Variants in DTNB observed in about 807,000 individuals in gnomAD.
The protein encoded by DTNB is DTN-B.
A neutral mutation model predicts 90.7 loss-of-function variants in DTNB; 63 were observed. The observed-to-expected ratio is 0.69, with a 90% CI of 0.57 to 0.86. DTNB has a LOEUF of 0.86. Among genes scored for constraint, DTNB ranks in the 40% least tolerant of loss-of-function variants. DTNB has a pLI of 0.00. For missense variants in DTNB, 744 were observed against 807.1 expected (o/e 0.92, Z 0.95); for synonymous variants, 277 against 286.7 (o/e 0.97, Z 0.34).
chr2:25,549,831 T>G (rs766837921), intron 8 of DTNB, among the ~76,000 whole-genome samples: 38 of 152,170 alleles, frequency 2.5e-4, no homozygotes, highest in Middle Eastern at 3.4e-3. Context: ...CGGCTAATTT[T>G]TGTATTTTTT....
At chr2:25,508,565 G>A (rs1159488045) in intron 9 of DTNB, among the ~76,000 whole-genome samples, 6 of 123,546 alleles carry the variant, frequency 4.9e-5, no homozygotes, top group South Asian at 2.4e-4. Flanking sequence ...ATGGAGTTTC[G>A]CTCTTGTTGC....
chr2:25,491,920 G>A (rs2067595949), intron 9 of DTNB, among the ~76,000 whole-genome samples: 1 of 151,868 alleles, frequency 6.6e-6, no homozygotes, highest in South Asian at 2.1e-4. Context: ...AAAAACTGAG[G>A]CATGGAGAAA....
At chr2:25,411,569 G>A (rs1239122852) in intron 16 of DTNB, among the ~76,000 whole-genome samples, 3 of 151,998 alleles carry the variant, frequency 2.0e-5, no homozygotes, top group South Asian at 4.1e-4. Context: ...CTGGGACTGC[G>A]ACCCAGGATA....
chr2:25,533,015 T>A (rs2078554489), intron 8 of DTNB, among the ~76,000 whole-genome samples: 1 of 152,140 alleles, frequency 6.6e-6, no homozygotes, highest in Admixed American at 6.6e-5. Flanking sequence ...ACTATTCCCG[T>A]CAACATACTA....
At chr2:25,611,531 G>A (rs2068612557) in intron 4 of DTNB, among the ~76,000 whole-genome samples, 1 of 152,154 alleles carries the variant, frequency 6.6e-6, no homozygotes, top group Non-Finnish European at 1.5e-5. Flanking sequence ...ATATCCATGG[G>A]TGTCTGAATC....
chr2:25,551,845 C>T (rs989008523), intron 8 of DTNB, among the ~76,000 whole-genome samples: 1 of 152,294 alleles, frequency 6.6e-6, no homozygotes, highest in East Asian at 1.9e-4. Context: ...TCAATCCATC[C>T]TCTACACTTT....
rs373462438 is a variant in DTNB, at chr2:25,555,383, CATA to C, written c.876+21452_876+21454del. Among the ~76,000 whole-genome samples the C allele has an allele frequency of 7.0e-3, 1,053 of 149,508 alleles. 9 individuals carry two copies. Among genetic ancestry groups the C allele is most frequent in the African/African-American group, 0.024 (995 of 40,624 alleles). On this transcript the variant is annotated intron_variant, in intron 8 of 20. Coordinates refer to ENST00000406818, the MANE Select transcript of DTNB (RefSeq NM_021907.5). ...TCTTTTCTATATGCTTGATATATTT[CATA>C]ATAAGAAATTATATATTACTTGCTA...
intron 12 of DTNB, among the ~76,000 whole-genome samples, chr2:25,448,113 T>C (rs925710690): frequency 6.6e-6 from 1 of 152,048 alleles, no homozygotes; most frequent in Non-Finnish European, 1.5e-5. Context: ...CTCTCCAGAA[T>C]AGATCAGGCA....
Position 25,639,112 on chromosome 2 carries a change from G to GAAAT in DTNB, c.68-22_68-19dup, listed in dbSNP as rs1478312396. The stretch of plus-strand genomic sequence containing the variant: ...CTGAGCACCTGAAAAAAGGCAAACA[G>GAAAT]AAATGCTCAACTAGATTTACCATTT... On this transcript the variant is annotated intron_variant, in intron 2 of 20. Transcript: ENST00000406818. 1.9e-6 allele frequency: 3 copies of GAAAT among 1,556,076 alleles called. No individual in the cohort carries two copies. Among genetic ancestry groups the GAAAT allele is most frequent in the East Asian group, 4.6e-5 (2 of 43,150 alleles).
At chr2:25,654,612 C>A (rs553855443) in intron 1 of DTNB, among the ~76,000 whole-genome samples, 1 of 152,322 alleles carries the variant, frequency 6.6e-6, no homozygotes, top group Non-Finnish European at 1.5e-5. Context: ...TGAATTCTAA[C>A]AATAGTTTTC....
Position 25,614,007 on chromosome 2 carries a change from C to G in DTNB, c.363-6686G>C, listed in dbSNP as rs564597277. ...AAAATCACAACCCAGGGAGCTTTAT[C>G]CCAAGAATATAAGGCTATTTTGACA... On this transcript the variant is annotated intron_variant, in intron 4 of 20. Coordinates refer to ENST00000406818, the MANE Select transcript of DTNB (RefSeq NM_021907.5). Among the ~76,000 whole-genome samples the G allele has an allele frequency of 9.2e-5, 14 of 152,102 alleles. No individual in the cohort carries two copies. The South Asian group carries it at 2.9e-3, about 32-fold the overall frequency.
rs185106876 is a variant in DTNB at position 25,460,920 on chromosome 2, C to T, written c.1080-5426G>A. ...GTTTTTTGTTTTTTTTTTTTTGAGA[C>T]GGAGTCTCACTCTGTCACCCAGGCT... On this transcript the variant is annotated intron_variant, in intron 10 of 20. Transcript: ENST00000406818. Among the ~76,000 whole-genome samples the T allele has an allele frequency of 5.1e-3, 734 of 145,334 alleles. 8 individuals are homozygous for T. The highest frequency in any genetic ancestry group is 0.018 in the African/African-American group (697 of 39,416).
chr2:25,494,953 A>T (rs970599719), intron 9 of DTNB, among the ~76,000 whole-genome samples: 6 of 152,188 alleles, frequency 3.9e-5, no homozygotes, highest in Non-Finnish European at 7.4e-5. Context: ...CAACAAAAAA[A>T]TGTTCACTTA....
intron 8 of DTNB, among the ~76,000 whole-genome samples, chr2:25,546,825 T>C (rs2082523093): frequency 6.6e-6 from 1 of 152,180 alleles, no homozygotes. Flanking sequence ...TGCAACAAGA[T>C]AGGATAGATC....
chr2:25,487,037 T>C (rs1471277173), intron 9 of DTNB, among the ~76,000 whole-genome samples: 3 of 152,222 alleles, frequency 2.0e-5, no homozygotes, highest in African/African-American at 7.2e-5. Flanking sequence ...AGGTAGAAAG[T>C]ATCTGGTAGT....
chr2:25,471,352 A>G (rs939581147), intron 10 of DTNB, among the ~76,000 whole-genome samples: 1 of 147,926 alleles, frequency 6.8e-6, no homozygotes, highest in African/African-American at 2.5e-5. Context: ...AATTTGTCAA[A>G]TGACCTCTTT....
intron 15 of DTNB, among the ~76,000 whole-genome samples, chr2:25,426,335 T>C (rs1298470213): frequency 2.6e-5 from 4 of 152,240 alleles, no homozygotes; most frequent in Non-Finnish European, 2.9e-5. Flanking sequence ...CACTGAGGAC[T>C]TGGATAGAAG....
chr2:25,631,432 G>T (rs911556480), intron 3 of DTNB, among the ~76,000 whole-genome samples: 6 of 151,748 alleles, frequency 4.0e-5, no homozygotes, highest in Admixed American at 2.0e-4. Flanking sequence ...AATTAGCTAG[G>T]CATAGTGACA....
chr2:25,570,144 G>A (rs915649379), intron 8 of DTNB, among the ~76,000 whole-genome samples: 1 of 150,972 alleles, frequency 6.6e-6, no homozygotes. Flanking sequence ...TGGGCTCCAT[G>A]GCTTATGCCT....
Sources: gnomAD v4.1 joint callset for allele counts (sites outside exome capture counted in the v4.1 genomes callset) on GRCh38, gnomAD v4.1.1 for gene constraint, MANE v1.5 for transcripts, NCBI Gene and HGNC (gene_info 2026-07-23, HGNC 2026-07-21) for gene names.